The following VWA2 variants were observed in gnomAD, a reference collection of about 807,000 sequenced individuals.
VWA2 encodes the protein von Willebrand factor A domain containing 2, also known as von Willebrand factor A domain-containing protein 2.
Under a neutral mutation model 70.4 loss-of-function variants are expected in VWA2, and 73 were observed. That is an observed-to-expected ratio of 1.04 (90% CI 0.86 to 1.26). The LOEUF (loss-of-function observed/expected upper bound fraction) is 1.26, where lower values mean the gene tolerates loss of function less well. Ranked by LOEUF, VWA2 falls within the 50% of genes most tolerant of loss-of-function variation. VWA2 has a pLI of 0.00. For missense variants in VWA2, 1,011 were observed against 998.5 expected, an observed-to-expected ratio of 1.01 and a Z score of -0.17; for synonymous variants, 407 against 423.3, an observed-to-expected ratio of 0.96 and a Z score of 0.47.
At chr10:114,282,017 C>CTTTTTTTTTCTTT (rs2038181382) in intron 8 of VWA2, among the ~76,000 whole-genome samples, 1 of 119,662 alleles carries the variant, frequency 8.4e-6, no homozygotes, top group South Asian at 2.7e-4. Flanking sequence ...CTTATGTTAC[C>CTTTTTTTTTCTTT]TTTTTTTTTT....
At chr10:114,288,898 G>A (rs760563857) in intron 11 of VWA2, 40 bp from the exon 12 acceptor site, 2 of 1,566,766 alleles carry the variant, frequency 1.3e-6, no homozygotes, top group Non-Finnish European at 1.7e-6. Context: ...GGCTCTGACT[G>A]GCACATCCAC....
intron 1 of VWA2, among the ~76,000 whole-genome samples, chr10:114,241,867 A>T (rs1203225032): frequency 6.6e-6 from 1 of 151,804 alleles, no homozygotes; most frequent in Non-Finnish European, 1.5e-5. Flanking sequence ...TTTTAATTTT[A>T]TCCAATAAGG....
chr10:114,250,078 G>C (rs936291460), intron 2 of VWA2, among the ~76,000 whole-genome samples: 1 of 151,982 alleles, frequency 6.6e-6, no homozygotes, highest in African/African-American at 2.4e-5. Flanking sequence ...AATTCCCCTG[G>C]GACCTCCAGA....
At chr10:114,248,868 C>T in intron 2 of VWA2, 103 bp downstream of exon 2, 2 of 1,090,648 alleles carry the variant, frequency 1.8e-6, no homozygotes, top group Non-Finnish European at 2.8e-6. Flanking sequence ...CTCTTGAATC[C>T]ACCTGCATCT....
chr10:114,255,184 ATGGTG>A, intron 4 of VWA2, 136 bp downstream of exon 4: 1 of 1,085,874 alleles, frequency 9.2e-7, no homozygotes, highest in Non-Finnish European at 1.3e-6. Flanking sequence ...GGTTCCTGGC[ATGGTG>A]GGATCCAAGG....
rs1208287647 is a variant in VWA2 at position 114,291,384 on chromosome 10, C to A, written c.*147C>A. The A allele has an allele frequency of 1.1e-6, 1 of 909,658 alleles. No individual in the cohort carries two copies. The highest frequency in any genetic ancestry group is 1.6e-6 in the Non-Finnish European group (1 of 624,004). The allele number at this position is 909,658 out of a possible 1,614,324, so 56.3% of individuals were successfully genotyped here. A position where few individuals can be genotyped will look rare whatever the true frequency, so the allele number is the denominator to read the frequency against. On this transcript the variant is annotated 3_prime_UTR_variant, in exon 14 of 14. Coordinates refer to ENST00000392982, the MANE Select transcript of VWA2 (RefSeq NM_001272046.2). Reference sequence around the variant, plus strand: ...CTGCTTCCCGCCGTGGCCAGGACCACTATTCTCACTGAGGGAGGAGGATGT... The same window carrying A: ...CTGCTTCCCGCCGTGGCCAGGACCAATATTCTCACTGAGGGAGGAGGATGT...
At chr10:114,282,406 C>A in intron 8 of VWA2, 110 bp from the exon 9 acceptor site, 1 of 863,702 alleles carries the variant, frequency 1.2e-6, no homozygotes, top group Non-Finnish European at 1.9e-6. Flanking sequence ...GTCTTTCTTA[C>A]TTCTGCATTG....
At chr10:114,253,753 A>C in intron 3 of VWA2, 28 bp downstream of exon 3, 1 of 1,602,056 alleles carries the variant, frequency 6.2e-7, no homozygotes, top group Non-Finnish European at 8.5e-7. Context: ...TTAACCCTCC[A>C]GATGCCCACT....
intron 6 of VWA2, among the ~76,000 whole-genome samples, chr10:114,276,332 G>A (rs1033903707): frequency 1.3e-5 from 2 of 152,176 alleles, no homozygotes. Context: ...GAAACGCACA[G>A]CCTGTGGCCC....
At chr10:114,247,984 G>A (rs551396519) in intron 1 of VWA2, among the ~76,000 whole-genome samples, 53 of 152,006 alleles carry the variant, frequency 3.5e-4, no homozygotes, top group African/African-American at 1.3e-3. Flanking sequence ...GCATGTACCT[G>A]TAGTCCCAGC....
chr10:114,282,649 C>G (rs576430730), intron 9 of VWA2, 78 bp downstream of exon 9: 1 of 1,298,934 alleles, frequency 7.7e-7, no homozygotes, highest in East Asian at 2.3e-5. Context: ...CTTTTACAAT[C>G]CTGGGACAGA....
intron 2 of VWA2, among the ~76,000 whole-genome samples, chr10:114,249,619 T>C (rs1484100421): frequency 1.3e-5 from 2 of 152,188 alleles, no homozygotes; most frequent in Admixed American, 6.5e-5. Context: ...ATTAGTTTGC[T>C]GAGGAGAATG....
chr10:114,253,420 C>G (rs2037249126), intron 2 of VWA2, among the ~76,000 whole-genome samples: 1 of 138,010 alleles, frequency 7.2e-6, no homozygotes. Context: ...TAGTTTTATT[C>G]TTTGTCTTCA....
chr10:114,285,612 G>A (rs1436578666), intron 10 of VWA2, among the ~76,000 whole-genome samples: 2 of 152,228 alleles, frequency 1.3e-5, no homozygotes, highest in African/African-American at 4.8e-5. Flanking sequence ...GCCTGTAGAA[G>A]CAAACACAGG....
At chr10:114,286,565 C>G in intron 11 of VWA2, 54 bp downstream of exon 11, 1 of 1,456,480 alleles carries the variant, frequency 6.9e-7, no homozygotes, top group Admixed American at 2.3e-5. Context: ...GGTCCTTCCT[C>G]CTTTTGGCCA....
At chr10:114,248,148 G>A (rs1004031070) in intron 1 of VWA2, among the ~76,000 whole-genome samples, 3 of 151,204 alleles carry the variant, frequency 2.0e-5, no homozygotes, top group Non-Finnish European at 2.9e-5. Flanking sequence ...GCCGGATTAC[G>A]ATTTATAAAT....
chr10:114,258,370 T>C (rs2037374963), intron 4 of VWA2, among the ~76,000 whole-genome samples: 1 of 152,212 alleles, frequency 6.6e-6, no homozygotes, highest in Non-Finnish European at 1.5e-5. Context: ...GAAGTCTTCC[T>C]CTTAACACTT....
intron 1 of VWA2, among the ~76,000 whole-genome samples, chr10:114,239,881 T>C (rs548854343): frequency 3.9e-5 from 6 of 152,182 alleles, no homozygotes; most frequent in African/African-American, 1.2e-4. Flanking sequence ...GGTAAGTGGG[T>C]AGGGGCTCCG....
At position 114,286,272 on chromosome 10, in the gene VWA2, G is replaced by T; in HGVS notation, c.1331G>T (p.Arg444Leu). ...FGSATRTGQD[R>L]PRRVVVLLTE... ...AGCGCCACCAGGACAGGCCAGGACCGGCCACGTAGAGTGGTGGTTTTGCTC... is the reference window on the plus strand; with the variant it reads ...AGCGCCACCAGGACAGGCCAGGACCTGCCACGTAGAGTGGTGGTTTTGCTC... The change falls in exon 11 of 14, where the codon CGG (arginine) becomes CTG (leucine). Residue 444 changes from arginine to leucine, a missense_variant. Arg to Leu is a moderately radical substitution (Grantham distance 102, BLOSUM62 -2). Transcript: ENST00000392982. 6.2e-7 allele frequency: 1 copy of T among 1,610,826 alleles called. No individual in the cohort carries two copies. Among genetic ancestry groups the T allele is most frequent in the Non-Finnish European group, 8.5e-7 (1 of 1,177,904 alleles).
Sources: allele counts gnomAD v4.1 joint callset (sites outside exome capture counted in the v4.1 genomes callset), GRCh38; gene constraint gnomAD v4.1.1; transcripts MANE v1.5; gene names NCBI Gene and HGNC (gene_info 2026-07-23, HGNC 2026-07-21).